NAALADL2: variants seen among roughly 807,000 people sequenced by gnomAD.
The protein encoded by NAALADL2 is N-acetylated alpha-linked acidic dipeptidase like 2.
A neutral mutation model predicts 87.2 loss-of-function variants in NAALADL2; 76 were observed. That is an observed-to-expected ratio of 0.87 (90% CI 0.72 to 1.05). NAALADL2 has a LOEUF of 1.05. Ranked by LOEUF, NAALADL2 falls within the 50% of genes least tolerant of loss-of-function variation. The pLI is 0.00. For missense variants in NAALADL2, 1,089 were observed against 945.8 expected (o/e 1.15, Z -1.99); for synonymous variants, 354 against 331.0 (o/e 1.07, Z -0.75).
At chr3:175,361,294 CT>C (rs1168089565) in intron 5 of NAALADL2, among the ~76,000 whole-genome samples, 4 of 148,986 alleles carry the variant, frequency 2.7e-5, no homozygotes, top group Non-Finnish European at 6.0e-5. Context: ...GGTTCCAAGT[CT>C]TTGCTATTGT....
At chr3:175,401,450 G>A (rs1647722959) in intron 5 of NAALADL2, among the ~76,000 whole-genome samples, 1 of 152,074 alleles carries the variant, frequency 6.6e-6, no homozygotes, top group Admixed American at 6.6e-5. Context: ...ATACAATCAA[G>A]TGTCACTTAA....
At chr3:175,756,678 G>C (rs929720300) in intron 13 of NAALADL2, among the ~76,000 whole-genome samples, 2 of 152,010 alleles carry the variant, frequency 1.3e-5, no homozygotes, top group African/African-American at 4.8e-5. Context: ...AAGAGGGAGA[G>C]TTGAAAAGTT....
chr3:174,524,369 G>A (rs1720535830), intron 1 of NAALADL2, among the ~76,000 whole-genome samples: 1 of 152,160 alleles, frequency 6.6e-6, no homozygotes, highest in South Asian at 2.1e-4. Flanking sequence ...GGGGTGGCGG[G>A]TGGATGTTCA....
chr3:174,952,943 T>C (rs750002501), intron 1 of NAALADL2, among the ~76,000 whole-genome samples: 1 of 152,058 alleles, frequency 6.6e-6, no homozygotes, highest in African/African-American at 2.4e-5. Context: ...TGGTAGATTA[T>C]ACATCATATT....
chr3:174,868,620 C>T (rs1727438204), intron 1 of NAALADL2, among the ~76,000 whole-genome samples: 1 of 149,100 alleles, frequency 6.7e-6, no homozygotes, highest in Non-Finnish European at 1.5e-5. Context: ...TTGGTGTTTG[C>T]TTGTACTGAA....
intron 3 of NAALADL2, among the ~76,000 whole-genome samples, chr3:174,749,108 C>G (rs74505989): frequency 2.7e-5 from 4 of 147,912 alleles, no homozygotes; most frequent in Admixed American, 2.7e-4. Flanking sequence ...TTTCACATCC[C>G]CTGTTCTACC....
At chr3:175,469,920 A>C (rs1322868336) in intron 8 of NAALADL2, among the ~76,000 whole-genome samples, 5 of 152,062 alleles carry the variant, frequency 3.3e-5, no homozygotes, top group African/African-American at 1.2e-4. Flanking sequence ...ATTATGGAAA[A>C]ATTACTCAAG....
chr3:175,064,800 C>G (rs969964953), intron 1 of NAALADL2, among the ~76,000 whole-genome samples: 1 of 152,144 alleles, frequency 6.6e-6, no homozygotes, highest in African/African-American at 2.4e-5. Context: ...AGTGAAAACT[C>G]TCTGCGTAGA....
intron 1 of NAALADL2, among the ~76,000 whole-genome samples, chr3:174,504,926 T>G (rs1719110714): frequency 6.6e-6 from 1 of 152,128 alleles, no homozygotes; most frequent in South Asian, 2.1e-4. Context: ...GCATACTATC[T>G]CATGAAGGCA....
chr3:175,021,253 A>G (rs769635108), intron 1 of NAALADL2, among the ~76,000 whole-genome samples: 25 of 152,218 alleles, frequency 1.6e-4, no homozygotes, highest in South Asian at 8.3e-4. Flanking sequence ...CTTCATAAAC[A>G]GGACTTTAAA....
At chr3:175,762,367 A>G (rs557518212) in intron 13 of NAALADL2, among the ~76,000 whole-genome samples, 4 of 152,224 alleles carry the variant, frequency 2.6e-5, no homozygotes, top group African/African-American at 7.2e-5. Flanking sequence ...AGAATACCAA[A>G]TAACAATGAT....
intron 9 of NAALADL2, 63 bp downstream of exon 9, chr3:175,471,821 C>G: frequency 7.3e-7 from 1 of 1,375,454 alleles, no homozygotes; most frequent in East Asian, 2.5e-5. Flanking sequence ...TATATTTTGA[C>G]ATTTCTTGAT....
rs1755063483 is a variant in NAALADL2 at position 175,810,191 on chromosome 3, A to G, written c.*6988A>G. 1.3e-5 allele frequency: 2 copies of G among 152,004 alleles called. No individual in the cohort carries two copies. The highest frequency in any genetic ancestry group is 6.6e-5 in the Admixed American group (1 of 15,228). 9.4% of individuals were successfully genotyped at this position (152,004 alleles called of 1,614,324 possible). ...ATATAGGGTTGAATGTCTAATTTCTATAATGTGTGGATGCCCATCAGATAT... is the reference window on the plus strand; with the variant it reads ...ATATAGGGTTGAATGTCTAATTTCTGTAATGTGTGGATGCCCATCAGATAT... On this transcript the variant is annotated 3_prime_UTR_variant, in exon 14 of 14. Coordinates refer to ENST00000454872, the MANE Select transcript of NAALADL2 (RefSeq NM_207015.3).
At chr3:175,439,844 C>G (rs865903027) in intron 5 of NAALADL2, among the ~76,000 whole-genome samples, 1 of 149,428 alleles carries the variant, frequency 6.7e-6, no homozygotes, top group East Asian at 2.0e-4. Flanking sequence ...GTTGTCTGTT[C>G]ACTCTGCTGA....
At chr3:175,011,164 G>C (rs181798360) in intron 1 of NAALADL2, among the ~76,000 whole-genome samples, 1 of 151,966 alleles carries the variant, frequency 6.6e-6, no homozygotes, top group Non-Finnish European at 1.5e-5. Context: ...TTTGTACATA[G>C]CTCTATTCTC....
chr3:175,547,480 T>C (rs569175640), intron 9 of NAALADL2, among the ~76,000 whole-genome samples: 13 of 152,180 alleles, frequency 8.5e-5, no homozygotes, highest in African/African-American at 3.1e-4. Flanking sequence ...GGCAATACCA[T>C]TGAGGACATA....
At chr3:174,674,207 CA>C in intron 2 of NAALADL2, among the ~76,000 whole-genome samples, 1 of 151,946 alleles carries the variant, frequency 6.6e-6, no homozygotes, top group South Asian at 2.1e-4. Flanking sequence ...TTTAAACAAC[CA>C]AATCTCATGC....
intron 3 of NAALADL2, among the ~76,000 whole-genome samples, chr3:174,781,847 G>A (rs544421804): frequency 5.5e-4 from 83 of 152,212 alleles, no homozygotes; most frequent in Admixed American, 1.1e-3. Context: ...GATGGTTTGT[G>A]CCAGGCTGTA....
At chr3:174,486,349 T>C (rs1717855402) in intron 1 of NAALADL2, among the ~76,000 whole-genome samples, 1 of 152,068 alleles carries the variant, frequency 6.6e-6, no homozygotes, top group Non-Finnish European at 1.5e-5. Flanking sequence ...TTTCTTCAGT[T>C]TTCACTGTGA....
Sources: gnomAD v4.1 joint callset for allele counts (sites outside exome capture counted in the v4.1 genomes callset) on GRCh38, gnomAD v4.1.1 for gene constraint, MANE v1.5 for transcripts, NCBI Gene and HGNC (gene_info 2026-07-23, HGNC 2026-07-21) for gene names.